Variants in MARCHF1 observed in about 807,000 individuals in gnomAD.
The protein encoded by MARCHF1 is E3 ubiquitin-protein ligase MARCHF1.
In MARCHF1, 40 loss-of-function variants were observed where a neutral mutation model predicts 54.2. The ratio of observed to expected loss-of-function variants is 0.74; its 90% CI spans 0.57 to 0.96. The LOEUF is 0.96. Ranked by LOEUF, MARCHF1 falls within the 40% of genes least tolerant of loss-of-function variation. The probability of loss-of-function intolerance (pLI) is 0.00; values close to 1 mark genes in which losing one functional copy is unlikely to be tolerated. For missense variants in MARCHF1, 586 were observed against 656.5 expected, an observed-to-expected ratio of 0.89 and a Z score of 1.17; for synonymous variants, 236 against 236.3, an observed-to-expected ratio of 1.00 and a Z score of 0.01.
intron 3 of MARCHF1, among the ~76,000 whole-genome samples, chr4:163,874,879 G>T (rs944592680): frequency 2.0e-5 from 3 of 152,034 alleles, no homozygotes; most frequent in Non-Finnish European, 4.4e-5. Flanking sequence ...GGGATATTTT[G>T]TCCTCTTTTA....
chr4:164,193,214 T>C (rs897203282), intron 1 of MARCHF1, among the ~76,000 whole-genome samples: 7 of 152,054 alleles, frequency 4.6e-5, no homozygotes, highest in Non-Finnish European at 1.0e-4. Flanking sequence ...AATCACCTTT[T>C]TCGGAAGATG....
chr4:163,558,026 A>AG (rs1553991728), intron 8 of MARCHF1, among the ~76,000 whole-genome samples: 1 of 152,188 alleles, frequency 6.6e-6, no homozygotes, highest in Non-Finnish European at 1.5e-5. Context: ...CATGACAAAG[A>AG]GGGGGAAAAA....
intron 3 of MARCHF1, among the ~76,000 whole-genome samples, chr4:163,896,588 C>A (rs1401653907): frequency 6.6e-6 from 1 of 152,156 alleles, no homozygotes; most frequent in African/African-American, 2.4e-5. Flanking sequence ...TGACTTCTCA[C>A]CTGGACTTGT....
intron 1 of MARCHF1, among the ~76,000 whole-genome samples, chr4:164,160,569 GT>G (rs1434290002): frequency 2.0e-5 from 3 of 152,094 alleles, no homozygotes; most frequent in Non-Finnish European, 4.4e-5. Context: ...GTTATAAAAT[GT>G]TTTGCATTTA....
At chr4:164,227,732 C>G (rs1732299935) in intron 1 of MARCHF1, among the ~76,000 whole-genome samples, 2 of 151,978 alleles carry the variant, frequency 1.3e-5, no homozygotes, top group Admixed American at 1.3e-4. Context: ...TAAAAAAAAA[C>G]TATATGTTTA....
At chr4:164,315,881 G>A (rs1367734289) in intron 1 of MARCHF1, among the ~76,000 whole-genome samples, 1 of 152,140 alleles carries the variant, frequency 6.6e-6, no homozygotes, top group Non-Finnish European at 1.5e-5. Context: ...GAGATAATTG[G>A]TATTATAATG....
intron 3 of MARCHF1, among the ~76,000 whole-genome samples, chr4:163,928,459 A>C (rs896808862): frequency 6.6e-6 from 1 of 151,868 alleles, no homozygotes; most frequent in Non-Finnish European, 1.5e-5. Flanking sequence ...TGGACTTTAC[A>C]ATTATTATAA....
At chr4:164,223,366 T>A (rs1032890623) in intron 1 of MARCHF1, among the ~76,000 whole-genome samples, 1 of 151,996 alleles carries the variant, frequency 6.6e-6, no homozygotes. Context: ...TGCAAATATA[T>A]ATATATGGTG....
At chr4:163,963,742 A>G (rs3967463) in intron 3 of MARCHF1, among the ~76,000 whole-genome samples, 84,192 of 151,684 alleles carry the variant, frequency 0.56, 24,476 homozygotes, top group Middle Eastern at 0.68. Context: ...AGCAACCTCT[A>G]TCATGCAATG....
intron 1 of MARCHF1, among the ~76,000 whole-genome samples, chr4:164,167,030 T>C (rs1730399896): frequency 6.6e-6 from 1 of 151,392 alleles, no homozygotes; most frequent in Non-Finnish European, 1.5e-5. Flanking sequence ...GGGACATTAT[T>C]ATTGTCATCA....
intron 2 of MARCHF1, among the ~76,000 whole-genome samples, chr4:164,101,119 C>T (rs993839830): frequency 6.6e-6 from 1 of 152,200 alleles, no homozygotes; most frequent in Admixed American, 6.5e-5. Context: ...CCTACGCCCA[C>T]GGAGTCTTGC....
At position 164,001,504 on chromosome 4, in the gene MARCHF1, C is replaced by T. The variant is rs186371933; in HGVS notation, c.-247-12795G>A. Among the ~76,000 whole-genome samples, 266 of 151,796 alleles carry T rather than the reference C, an allele frequency of 1.8e-3. 4 individuals carry two copies. Among genetic ancestry groups the T allele is most frequent in the Admixed American group, 0.017 (263 of 15,216 alleles). Reference sequence around the variant, plus strand: ...CTTTTTTCACACTGTATGCAACTGTCGCTATAAACTACTATAAAACTAGAC... The same window carrying T: ...CTTTTTTCACACTGTATGCAACTGTTGCTATAAACTACTATAAAACTAGAC... On this transcript the variant is annotated intron_variant, in intron 2 of 9. Coordinates refer to ENST00000514618, the MANE Select transcript of MARCHF1 (RefSeq NM_001394959.1).
At chr4:164,264,942 A>C (rs1733569096) in intron 1 of MARCHF1, among the ~76,000 whole-genome samples, 1 of 139,708 alleles carries the variant, frequency 7.2e-6, no homozygotes. Context: ...CAAAAAAAAC[A>C]CCACCATCAT....
At chr4:163,718,396 T>C (rs923630925) in intron 4 of MARCHF1, among the ~76,000 whole-genome samples, 1 of 152,176 alleles carries the variant, frequency 6.6e-6, no homozygotes, top group African/African-American at 2.4e-5. Flanking sequence ...ATTTTTGCAA[T>C]CTACGCATCT....
At chr4:164,215,250 G>C (rs996667921) in intron 1 of MARCHF1, among the ~76,000 whole-genome samples, 3 of 152,134 alleles carry the variant, frequency 2.0e-5, no homozygotes, top group Non-Finnish European at 4.4e-5. Context: ...TTCCCCTGGA[G>C]CATTCGCCAA....
At chr4:163,928,168 A>G (rs1035364269) in intron 3 of MARCHF1, among the ~76,000 whole-genome samples, 2 of 151,944 alleles carry the variant, frequency 1.3e-5, no homozygotes, top group African/African-American at 4.8e-5. Context: ...TGCCTTTGTC[A>G]ACTTCACTCA....
chr4:164,295,269 G>A lies in MARCHF1; in HGVS notation c.-323+88601C>T, dbSNP rs764748132. Among the ~76,000 whole-genome samples, 4 of 152,164 alleles carry A rather than the reference G, an allele frequency of 2.6e-5. No individual in the cohort carries two copies. In the South Asian group the frequency reaches 8.3e-4, roughly 32 times the overall value. Reference sequence around the variant, plus strand: ...TAATGTTTTTCTCCTGGCACAGGAAGGGTATCTTTCACTTGGGAGTTTTTA... The same window carrying A: ...TAATGTTTTTCTCCTGGCACAGGAAAGGTATCTTTCACTTGGGAGTTTTTA... On this transcript the variant is annotated intron_variant, in intron 1 of 9. Coordinates refer to ENST00000514618, the MANE Select transcript of MARCHF1 (RefSeq NM_001394959.1).
chr4:164,011,335 C>G (rs6825296), intron 2 of MARCHF1, among the ~76,000 whole-genome samples: 31,681 of 152,008 alleles, frequency 0.21, 3,992 homozygotes, highest in Non-Finnish European at 0.29. Context: ...AGAGACAACC[C>G]GCAGATGTTA....
intron 1 of MARCHF1, among the ~76,000 whole-genome samples, chr4:164,351,702 G>A (rs200862530): frequency 3.9e-5 from 6 of 151,974 alleles, no homozygotes; most frequent in South Asian, 2.1e-4. Context: ...AAAGCAGAGC[G>A]CCTCTCCGCC....
Sources: gnomAD v4.1 joint callset for allele counts (sites outside exome capture counted in the v4.1 genomes callset) on GRCh38, gnomAD v4.1.1 for gene constraint, MANE v1.5 for transcripts, NCBI Gene and HGNC (gene_info 2026-07-23, HGNC 2026-07-21) for gene names.